Variants in ANK3 observed in about 807,000 individuals in gnomAD.
ANK3 encodes the protein ankyrin-3.
In ANK3, 57 loss-of-function variants were observed where a neutral mutation model predicts 370.9. That is an observed-to-expected ratio of 0.15 (90% CI 0.12 to 0.19). The LOEUF (loss-of-function observed/expected upper bound fraction) is 0.19, where lower values mean the gene tolerates loss of function less well. ANK3 is among the 10% of genes least tolerant of loss of function. The pLI is 1.00. For missense variants in ANK3, 4,439 were observed against 5,302.1 expected, an observed-to-expected ratio of 0.84 and a Z score of 5.06; for synonymous variants, 1,929 against 1,946.3, an observed-to-expected ratio of 0.99 and a Z score of 0.23.
chr10:60,137,356 A>G (rs1303801539), intron 24 of ANK3: 2 of 337,110 alleles, frequency 5.9e-6, no homozygotes, highest in African/African-American at 4.9e-5. Context: ...TCTTGGGACT[A>G]TTTTAAAGTA....
intron 2 of ANK3, among the ~76,000 whole-genome samples, chr10:60,532,838 C>A (rs1341607560): frequency 6.6e-6 from 1 of 152,004 alleles, no homozygotes; most frequent in Non-Finnish European, 1.5e-5. Flanking sequence ...TCAGACAGAC[C>A]TTTGAGCTGA....
At chr10:60,181,197 T>C in intron 18 of ANK3, 132 bp downstream of exon 18, 2 of 902,396 alleles carry the variant, frequency 2.2e-6, no homozygotes, top group Non-Finnish European at 3.5e-6. Flanking sequence ...CTTGCATAAA[T>C]AAACATTTAA....
Position 60,072,895 on chromosome 10 carries a change from G to C in ANK3, c.7986C>G (p.Ala2662=). ...TGGGCAGACTGGGTGCCTTCTCCTC[G>C]GCCTTGGGGAAGCCTTGTCCATCAG... ...HGPDGQGFPK[A]EEKAPSLPSS... The change falls in exon 37 of 44, where the codon GCC becomes GCG. Residue 2662 remains alanine (A), a synonymous_variant. Transcript: ENST00000280772. 1 of 1,613,954 alleles carries C rather than the reference G, an allele frequency of 6.2e-7. No homozygotes were observed.
rs561544401 is a variant in ANK3, at chr10:60,170,765, T to C, written c.2478+1543A>G. Reference sequence around the variant, plus strand: ...AGACCCTTCTCTGTCTTTCAGTTGATTTTTTGAAGTTGTAACTTAATTTTG... The same window carrying C: ...AGACCCTTCTCTGTCTTTCAGTTGACTTTTTGAAGTTGTAACTTAATTTTG... On this transcript the variant is annotated intron_variant, in intron 21 of 43. Coordinates refer to ENST00000280772, the MANE Select transcript of ANK3 (RefSeq NM_020987.5). Among the ~76,000 whole-genome samples the C allele has an allele frequency of 7.6e-4, 115 of 152,304 alleles. 1 individual carries two copies. Among genetic ancestry groups the C allele is most frequent in the African/African-American group, 2.8e-3 (115 of 41,568 alleles).
chr10:60,143,350 A>G (rs534392515), intron 23 of ANK3, among the ~76,000 whole-genome samples: 6 of 152,324 alleles, frequency 3.9e-5, no homozygotes, highest in Non-Finnish European at 7.3e-5. Flanking sequence ...GAATGAGATG[A>G]ATTGTATTGT....
At chr10:60,486,202 T>G (rs886175773) in intron 2 of ANK3, among the ~76,000 whole-genome samples, 2 of 152,202 alleles carry the variant, frequency 1.3e-5, no homozygotes, top group African/African-American at 4.8e-5. Context: ...TAATTAAATC[T>G]CATTGATCCT....
intron 1 of ANK3, among the ~76,000 whole-genome samples, chr10:60,333,394 G>A (rs1454140046): frequency 6.6e-6 from 1 of 151,968 alleles, no homozygotes; most frequent in East Asian, 1.9e-4. Context: ...GTGAGAACAT[G>A]CTGTGTTTGT....
intron 1 of ANK3, among the ~76,000 whole-genome samples, chr10:60,286,896 A>G (rs181392998): frequency 6.1e-4 from 93 of 152,300 alleles, no homozygotes; most frequent in African/African-American, 2.2e-3. Flanking sequence ...TGTTTTTGTT[A>G]AGACTACACG....
intron 2 of ANK3, among the ~76,000 whole-genome samples, chr10:60,584,588 A>T (rs1483707362): frequency 6.6e-6 from 1 of 152,170 alleles, no homozygotes; most frequent in African/African-American, 2.4e-5. Flanking sequence ...CCATACTCCA[A>T]CCTGGGCAAT....
intron 5 of ANK3, among the ~76,000 whole-genome samples, chr10:60,266,807 A>C (rs1181493506): frequency 6.6e-6 from 1 of 152,214 alleles, no homozygotes; most frequent in Non-Finnish European, 1.5e-5. Context: ...AAAAATGAGC[A>C]GAAAGGAAAT....
At chr10:60,059,643 G>T in intron 40 of ANK3, 1 of 1,548,296 alleles carries the variant, frequency 6.5e-7, no homozygotes, top group South Asian at 1.2e-5. Flanking sequence ...AGGCTCTGCT[G>T]GTTTAACATC....
intron 2 of ANK3, among the ~76,000 whole-genome samples, chr10:60,547,433 G>A (rs528062653): frequency 6.6e-5 from 10 of 150,382 alleles, no homozygotes; most frequent in East Asian, 2.0e-4. Flanking sequence ...ACAGAGTATC[G>A]CTCTGTTGCC....
rs970494096 is a variant in ANK3 at position 60,115,756 on chromosome 10, T to TA, written c.2842-1426dup. Reference sequence around the variant, plus strand: ...AAAATATACAAAATGAAGGATAGGTTAAAAAAAAGAAAGAAAACAGTACAA... The same window carrying TA: ...AAAATATACAAAATGAAGGATAGGTTAAAAAAAAAGAAAGAAAACAGTACAA... On this transcript the variant is annotated intron_variant, in intron 25 of 43. Coordinates refer to ENST00000280772, the MANE Select transcript of ANK3 (RefSeq NM_020987.5). Among the ~76,000 whole-genome samples, 10 of 151,578 alleles carry TA rather than the reference T, an allele frequency of 6.6e-5. No individual in the cohort carries two copies. In the East Asian group the frequency reaches 1.7e-3, roughly 26 times the overall value.
rs202016586 is a variant in ANK3, at chr10:60,273,513, CT to C, written c.415-3285del. 2.7e-3 allele frequency among the ~76,000 whole-genome samples: 404 copies of C among 152,272 alleles called. 5 individuals carry two copies. The highest frequency in any genetic ancestry group is 0.016 in the Admixed American group (245 of 15,298). ...CTTAGTGATCACTCCCCATTTCCCC[CT>C]AGTAACCACTAATGCACTTTCTCTC... On this transcript the variant is annotated intron_variant, in intron 4 of 43. Coordinates refer to ENST00000280772, the MANE Select transcript of ANK3 (RefSeq NM_020987.5).
At position 60,369,853 on chromosome 10, in the gene ANK3, A is replaced by G. The variant is rs577588146; in HGVS notation, c.114+19572T>C. Among the ~76,000 whole-genome samples, 186 of 152,302 alleles carry G rather than the reference A, an allele frequency of 1.2e-3. 1 individual carries two copies. Among genetic ancestry groups the G allele is most frequent in the African/African-American group, 4.3e-3 (179 of 41,572 alleles). Reference sequence around the variant, plus strand: ...ACTGCCTATACTGATATACAATGTCAGGTTAATGAAATTAAACATACAGAG... The same window carrying G: ...ACTGCCTATACTGATATACAATGTCGGGTTAATGAAATTAAACATACAGAG... On this transcript the variant is annotated intron_variant, in intron 1 of 43. Coordinates refer to ENST00000280772, the MANE Select transcript of ANK3 (RefSeq NM_020987.5).
rs143730259 is a variant in ANK3, at chr10:60,422,580, C to A, written c.97-142941G>T. Among the ~76,000 whole-genome samples the A allele has an allele frequency of 3.3e-3, 499 of 152,132 alleles. 4 individuals are homozygous for A. The highest frequency in any genetic ancestry group is 0.011 in the African/African-American group (450 of 41,538). On this transcript the variant is annotated intron_variant, in intron 2 of 43. Transcript: ENST00000373827. The stretch of plus-strand genomic sequence containing the variant: ...GGATTCAGCAACACATTATTTTATT[C>A]ATTTCTAGGTAATAAAGCTTCAGCA...
In ANK3 at chr10:60,055,942, C is replaced by T. The variant is rs1331614626; in HGVS notation, c.12781G>A (p.Ala4261Thr). 3 of 1,614,090 alleles carry T rather than the reference C, an allele frequency of 1.9e-6. No homozygotes were observed. Among genetic ancestry groups the T allele is most frequent in the East Asian group, 2.2e-5 (1 of 44,886 alleles). Residue 4261 changes from alanine to threonine, a missense_variant, in exon 42 of 44, where the codon GCA (alanine) becomes ACA (threonine). Ala to Thr is a moderately conservative substitution (Grantham distance 58). Transcript: ENST00000280772. ...TCTGGAAAGTAAGATTTTGTCTTTG[C>T]TTCTGGAGTGATTTCTGTATGGCTT... ...NGSHTEITPE[A>T]KTKSYFPESQ... is the part of the protein sequence containing the mutation.
At chr10:60,635,555 T>A (rs987543019) in intron 1 of ANK3, among the ~76,000 whole-genome samples, 3 of 152,192 alleles carry the variant, frequency 2.0e-5, no homozygotes, top group African/African-American at 7.2e-5. Flanking sequence ...AAGTCATTCA[T>A]AGAACATTTC....
intron 7 of ANK3, among the ~76,000 whole-genome samples, chr10:60,238,453 C>A (rs1489106064): frequency 1.3e-5 from 2 of 152,074 alleles, no homozygotes; most frequent in Non-Finnish European, 2.9e-5. Flanking sequence ...GTGGAAAGGG[C>A]AGGAATGTGG....
Sources: allele counts gnomAD v4.1 joint callset (sites outside exome capture counted in the v4.1 genomes callset), GRCh38; gene constraint gnomAD v4.1.1; transcripts MANE v1.5; gene names NCBI Gene and HGNC (gene_info 2026-07-23, HGNC 2026-07-21).